PRKX: variants seen among roughly 807,000 people sequenced by gnomAD.
PRKX encodes cAMP-dependent protein kinase catalytic subunit PRKX.
In PRKX, 12 loss-of-function variants were observed where a neutral mutation model predicts 22.0. That is an observed-to-expected ratio of 0.54 (90% CI 0.35 to 0.88). The LOEUF (loss-of-function observed/expected upper bound fraction) is 0.88, where lower values mean the gene tolerates loss of function less well. Ranked by LOEUF, PRKX falls within the 40% of genes least tolerant of loss-of-function variation. The pLI, the probability that PRKX is intolerant of heterozygous loss-of-function variation, is 0.01. For synonymous variants in PRKX, 134 were observed against 137.7 expected (o/e 0.97, Z 0.19); for missense variants, 217 against 308.0 (o/e 0.70, Z 2.21).
chrX:3,682,906 T>C lies in PRKX; in HGVS notation c.167-8140A>G, dbSNP rs182345687. ...GATCTCAAGGTGAGGTCATCCAAAA[T>C]TGGAGTGGACCCTAAACACAATGAC... is the stretch of plus-strand genomic sequence containing the variant. On this transcript the variant is annotated intron_variant, in intron 1 of 8. Transcript: ENST00000262848. Among the ~76,000 whole-genome samples the C allele has an allele frequency of 3.3e-3, 364 of 110,633 alleles. 3 individuals carry two copies. The highest frequency in any genetic ancestry group is 0.011 in the African/African-American group (351 of 30,522).
chrX:3,620,521 G>A (rs745647662), intron 6 of PRKX, among the ~76,000 whole-genome samples: 9 of 112,298 alleles, frequency 8.0e-5, no homozygotes, highest in Non-Finnish European at 1.3e-4. Flanking sequence ...CAGCAGGCAG[G>A]TGAGCGAAGC....
intron 4 of PRKX, among the ~76,000 whole-genome samples, chrX:3,633,805 T>C (rs1401628504): frequency 9.0e-6 from 1 of 111,092 alleles, no homozygotes; most frequent in Non-Finnish European, 1.9e-5. Flanking sequence ...GGGGCTGGCC[T>C]TGGAAGACAG....
At chrX:3,662,813 C>A (rs1284668907) in intron 2 of PRKX, among the ~76,000 whole-genome samples, 1 of 107,316 alleles carries the variant, frequency 9.3e-6, no homozygotes, top group African/African-American at 3.4e-5. Context: ...TCAAGATCAG[C>A]CTGGGCAACA....
intron 4 of PRKX, among the ~76,000 whole-genome samples, chrX:3,628,901 A>G (rs1024650810): frequency 1.8e-5 from 2 of 110,067 alleles, no homozygotes; most frequent in Non-Finnish European, 3.8e-5. Flanking sequence ...TTAGCTGGGC[A>G]TGGTCCCCGG....
intron 4 of PRKX, among the ~76,000 whole-genome samples, chrX:3,632,330 C>T (rs766815524): frequency 1.8e-5 from 2 of 111,261 alleles, no homozygotes; most frequent in East Asian, 2.8e-4. Context: ...GACACTCATG[C>T]GATCTGCGCC....
rs138517585 is a variant in PRKX at position 3,615,831 on chromosome X, G to A, written c.935C>T (p.Pro312Leu). Reference sequence around the variant, plus strand: ...GTGTTGTACCTTCAGTTTTCTCTGCGGAACAGCTTCCCAGTCCACGGAGCG... The same window carrying A: ...GTGTTGTACCTTCAGTTTTCTCTGCAGAACAGCTTCCCAGTCCACGGAGCG... ...WFRSVDWEAV[P>L]QRKLKPPIVP... Residue 312 changes from proline (P) to leucine (L), a missense_variant, in exon 7 of 9, where the codon CCG (proline) becomes CTG (leucine). By Grantham distance (98) the Pro-to-Leu change is moderately conservative. Transcript: ENST00000262848. 199 of 1,204,401 alleles carry A rather than the reference G, an allele frequency of 1.7e-4. No individual in the cohort carries two copies. Among genetic ancestry groups the A allele is most frequent in the Non-Finnish European group, 2.0e-4 (177 of 892,127 alleles).
At chrX:3,684,736 C>A (rs7060546) in intron 1 of PRKX, among the ~76,000 whole-genome samples, 17,477 of 111,093 alleles carry the variant, frequency 0.16, 1,666 homozygotes, top group African/African-American at 0.36. Context: ...CTAGGCTTGT[C>A]GATGCCATCT....
In PRKX at chrX:3,648,389, G is replaced by GT. The variant is rs374906658; in HGVS notation, c.600-6419dup. 7.0e-3 allele frequency among the ~76,000 whole-genome samples: 717 copies of GT among 103,140 alleles called. 5 individuals are homozygous for GT. The highest frequency in any genetic ancestry group is 0.02 in the African/African-American group (581 of 28,516). The allele number at this position is 103,140 out of a possible 115,157, so 89.6% of individuals were successfully genotyped here. On this transcript the variant is annotated intron_variant, in intron 3 of 8. Coordinates refer to ENST00000262848, the MANE Select transcript of PRKX (RefSeq NM_005044.5). ...GGTCTTGCTATGTTACCCAGGCTGG[G>GT]TTTTTTTTTTTTAAATAGTTGTCAG...
Position 3,608,220 on chromosome X carries a change from A to T in PRKX, c.*749T>A, listed in dbSNP as rs1056370. The T allele has an allele frequency of 0.082, 8,982 of 110,013 alleles. 349 individuals carry two copies. The highest frequency in any genetic ancestry group is 0.17 in the Middle Eastern group (36 of 215). 9.1% of individuals were successfully genotyped at this position (110,013 alleles called of 1,213,427 possible). A position where few individuals can be genotyped will look rare whatever the true frequency, so the allele number is the denominator to read the frequency against. ...TGAATGTGTCACAGAAGGTTTTTTT[A>T]AATACAGTACATTCCTCCAACAACT... On this transcript the variant is annotated 3_prime_UTR_variant, in exon 9 of 9. Coordinates refer to ENST00000262848, the MANE Select transcript of PRKX (RefSeq NM_005044.5).
intron 5 of PRKX, among the ~76,000 whole-genome samples, chrX:3,625,482 A>G (rs1926642396): frequency 1.8e-5 from 2 of 112,592 alleles, no homozygotes; most frequent in Admixed American, 9.4e-5. Context: ...ACTCATCTGA[A>G]AAATACAGTG....
At chrX:3,660,871 G>A (rs1418307675) in intron 2 of PRKX, among the ~76,000 whole-genome samples, 3 of 110,314 alleles carry the variant, frequency 2.7e-5, no homozygotes, top group African/African-American at 9.9e-5. Context: ...TGTATCAAAT[G>A]AGAAGAGGAG....
chrX:3,630,554 T>A (rs377033999), intron 4 of PRKX, among the ~76,000 whole-genome samples: 1 of 111,719 alleles, frequency 9.0e-6, no homozygotes, highest in Admixed American at 9.5e-5. Context: ...AGCAAGACTC[T>A]GTCTCAAAAA....
chrX:3,637,048 A>G (rs1371499078), intron 4 of PRKX, among the ~76,000 whole-genome samples: 1 of 100,516 alleles, frequency 9.9e-6, no homozygotes, highest in African/African-American at 3.7e-5. Flanking sequence ...AAGGGAAGGG[A>G]AAGGGAAGGG....
At chrX:3,637,728 C>T (rs752165254) in intron 4 of PRKX, among the ~76,000 whole-genome samples, 3 of 110,032 alleles carry the variant, frequency 2.7e-5, no homozygotes, top group South Asian at 7.7e-4. Context: ...GATTGGGAGA[C>T]GGTTATTCAT....
intron 1 of PRKX, among the ~76,000 whole-genome samples, chrX:3,677,148 G>C (rs1370443342): frequency 9.0e-6 from 1 of 110,579 alleles, no homozygotes; most frequent in Non-Finnish European, 1.9e-5. Flanking sequence ...ATTGGTCAAA[G>C]GATACAAAGT....
At chrX:3,634,138 T>C (rs764565491) in intron 4 of PRKX, among the ~76,000 whole-genome samples, 2 of 110,006 alleles carry the variant, frequency 1.8e-5, no homozygotes, top group East Asian at 5.8e-4. Context: ...TAACCCCAGC[T>C]ACTCGGCAGG....
chrX:3,685,767 C>G (rs1026259980), intron 1 of PRKX, among the ~76,000 whole-genome samples: 4 of 111,065 alleles, frequency 3.6e-5, no homozygotes, highest in African/African-American at 1.3e-4. Context: ...TAAGCAAAAC[C>G]AGGCTCGGTG....
intron 4 of PRKX, among the ~76,000 whole-genome samples, chrX:3,627,153 G>T (rs1466009114): frequency 9.1e-6 from 1 of 110,493 alleles, no homozygotes; most frequent in Non-Finnish European, 1.9e-5. Flanking sequence ...AGGCCGAGGC[G>T]GGTGGATAAC....
chrX:3,650,363 C>T (rs986812100), intron 3 of PRKX, among the ~76,000 whole-genome samples: 2 of 104,936 alleles, frequency 1.9e-5, no homozygotes, highest in African/African-American at 3.5e-5. Flanking sequence ...CTACTAAAAA[C>T]ACAAAAAATT....
Sources: gnomAD v4.1 joint callset for allele counts (sites outside exome capture counted in the v4.1 genomes callset) on GRCh38, gnomAD v4.1.1 for gene constraint, MANE v1.5 for transcripts, NCBI Gene and HGNC (gene_info 2026-07-23, HGNC 2026-07-21) for gene names.